The following RTN4 variants were observed in gnomAD, a reference collection of about 807,000 sequenced individuals.
The protein encoded by RTN4 is reticulon 4, also known as reticulon-4.
Under a neutral mutation model 90.4 loss-of-function variants are expected in RTN4, and 32 were observed. That is an observed-to-expected ratio of 0.35 (90% CI 0.27 to 0.48). The LOEUF (loss-of-function observed/expected upper bound fraction) is 0.48. RTN4 is among the 20% of genes least tolerant of loss of function. The pLI is 0.99. For synonymous variants in RTN4, 629 were observed against 552.5 expected (o/e 1.14, Z -1.94); for missense variants, 1,706 against 1,430.2 (o/e 1.19, Z -3.11).
chr2:55,092,740 C>T (rs905652675), intron 1 of RTN4, among the ~76,000 whole-genome samples: 7 of 152,226 alleles, frequency 4.6e-5, no homozygotes, highest in African/African-American at 1.7e-4. Flanking sequence ...CCAGGTAAAA[C>T]TGACCACATA....
At chr2:55,119,156 C>T in the RTN4 span, among the ~76,000 whole-genome samples, 4 of 152,290 alleles carry the variant, frequency 2.6e-5, no homozygotes, top group Admixed American at 1.3e-4. Flanking sequence ...AGAATCCTTG[C>T]GGGTTTTTTG....
intron 3 of RTN4, among the ~76,000 whole-genome samples, chr2:55,005,531 A>G (rs1008238652): frequency 6.6e-6 from 1 of 152,210 alleles, no homozygotes; most frequent in Non-Finnish European, 1.5e-5. Flanking sequence ...AATTTGTACA[A>G]TCTTTCTGGA....
chr2:55,059,897 C>G (rs1011030464), intron 2 of RTN4, among the ~76,000 whole-genome samples: 1 of 152,048 alleles, frequency 6.6e-6, no homozygotes, highest in Non-Finnish European at 1.5e-5. Flanking sequence ...AAGCTGGTCT[C>G]TAACTCCTGG....
chr2:55,078,153 A>G (rs1573502150), intron 2 of RTN4, among the ~76,000 whole-genome samples: 2 of 152,098 alleles, frequency 1.3e-5, no homozygotes, highest in African/African-American at 4.8e-5. Context: ...ACCAAACACA[A>G]CCTTTTCCCA....
intron 3 of RTN4, among the ~76,000 whole-genome samples, chr2:54,988,239 C>T (rs1558770309): frequency 1.3e-5 from 2 of 152,286 alleles, no homozygotes; most frequent in East Asian, 1.9e-4. Flanking sequence ...ATCGCTTGAA[C>T]CCGGGAGGCA....
chr2:55,012,711 CAAGT>C (rs1363312759), intron 3 of RTN4, among the ~76,000 whole-genome samples: 3 of 152,108 alleles, frequency 2.0e-5, no homozygotes, highest in Non-Finnish European at 4.4e-5. Context: ...AGCAACAAGA[CAAGT>C]AAGGCACATC....
At chr2:55,065,670 T>A (rs1668376737) in intron 2 of RTN4, among the ~76,000 whole-genome samples, 1 of 151,998 alleles carries the variant, frequency 6.6e-6, no homozygotes, top group Non-Finnish European at 1.5e-5. Flanking sequence ...GGTACACACA[T>A]ACACACACAC....
the RTN4 span, among the ~76,000 whole-genome samples, chr2:55,134,623 T>A: frequency 6.6e-6 from 1 of 152,142 alleles, no homozygotes; most frequent in East Asian, 1.9e-4. Context: ...ATATTATTCT[T>A]CAAGTTTAAA....
intron 5 of RTN4, among the ~76,000 whole-genome samples, chr2:54,978,041 C>T (rs1047471397): frequency 2.6e-5 from 4 of 152,134 alleles, no homozygotes; most frequent in Non-Finnish European, 5.9e-5. Flanking sequence ...TCACTGCCCC[C>T]GCCAAAAGGC....
chr2:55,003,490 T>G (rs1679988728), intron 3 of RTN4, among the ~76,000 whole-genome samples: 1 of 152,130 alleles, frequency 6.6e-6, no homozygotes, highest in Non-Finnish European at 1.5e-5. Flanking sequence ...ACACACTCAG[T>G]AATATGTCAG....
intron 3 of RTN4, among the ~76,000 whole-genome samples, chr2:55,001,462 T>C (rs1679847165): frequency 6.6e-6 from 1 of 152,214 alleles, no homozygotes; most frequent in Non-Finnish European, 1.5e-5. Context: ...TGAAGTTGCA[T>C]AGGAAAGAAA....
At chr2:54,992,006 G>A (rs1386520091) in intron 3 of RTN4, among the ~76,000 whole-genome samples, 1 of 152,172 alleles carries the variant, frequency 6.6e-6, no homozygotes, top group Non-Finnish European at 1.5e-5. Context: ...AAACACTGCA[G>A]TAGCCTATAC....
chr2:55,069,047 G>T (rs772475559), intron 2 of RTN4, among the ~76,000 whole-genome samples: 2 of 152,196 alleles, frequency 1.3e-5, no homozygotes, highest in Non-Finnish European at 2.9e-5. Context: ...TGGCACAAGG[G>T]GTGGGGAGAG....
At chr2:54,975,750 C>T (rs1010502831) in intron 5 of RTN4, among the ~76,000 whole-genome samples, 1 of 152,184 alleles carries the variant, frequency 6.6e-6, no homozygotes, top group African/African-American at 2.4e-5. Flanking sequence ...ATTAAGCAGT[C>T]AAACATTAGT....
intron 1 of RTN4, among the ~76,000 whole-genome samples, chr2:55,104,963 C>T (rs1276004233): frequency 6.6e-6 from 1 of 151,802 alleles, no homozygotes; most frequent in Non-Finnish European, 1.5e-5. Context: ...CATACCACTA[C>T]GCCAGGCTAA....
chr2:54,988,148 C>A (rs1678718165), intron 3 of RTN4, among the ~76,000 whole-genome samples: 1 of 152,188 alleles, frequency 6.6e-6, no homozygotes, highest in Admixed American at 6.5e-5. Flanking sequence ...AAAACTCCGT[C>A]TCTACTGAAA....
chr2:55,042,475 A>G (rs1683141575), intron 1 of RTN4, among the ~76,000 whole-genome samples: 1 of 152,192 alleles, frequency 6.6e-6, no homozygotes, highest in Admixed American at 6.5e-5. Context: ...TAAAGTGAAA[A>G]GGATATACAT....
At chr2:55,096,301 G>A (rs548443966) in intron 1 of RTN4, among the ~76,000 whole-genome samples, 33 of 151,936 alleles carry the variant, frequency 2.2e-4, no homozygotes, top group Non-Finnish European at 4.0e-4. Flanking sequence ...ACTCCAGCCT[G>A]GGCAACAAGA....
chr2:55,130,330 G>C, the RTN4 span, among the ~76,000 whole-genome samples: 576 of 152,266 alleles, frequency 3.8e-3, 3 homozygotes, highest in Middle Eastern at 0.024. Flanking sequence ...GGACATACAA[G>C]TATTTGTAAA....
Sources: allele counts gnomAD v4.1 joint callset (sites outside exome capture counted in the v4.1 genomes callset), GRCh38; gene constraint gnomAD v4.1.1; transcripts MANE v1.5; gene names NCBI Gene and HGNC (gene_info 2026-07-23, HGNC 2026-07-21).